Variants in ROBO1 observed in about 807,000 individuals in gnomAD.
The protein encoded by ROBO1 is roundabout homolog 1.
Under a neutral mutation model 195.9 loss-of-function variants are expected in ROBO1, and 149 were observed. The observed-to-expected ratio is 0.76, with a 90% CI of 0.67 to 0.87. The LOEUF (loss-of-function observed/expected upper bound fraction) is 0.87. Ranked by LOEUF, ROBO1 falls within the 40% of genes least tolerant of loss-of-function variation. The pLI, the probability that ROBO1 is intolerant of heterozygous loss-of-function variation, is 0.00. For missense variants in ROBO1, 1,933 were observed against 2,068.3 expected (o/e 0.93, Z 1.27); for synonymous variants, 816 against 733.2 (o/e 1.11, Z -1.82).
intron 2 of ROBO1, among the ~76,000 whole-genome samples, chr3:79,259,007 T>C (rs945715966): frequency 2.6e-5 from 4 of 152,096 alleles, no homozygotes; most frequent in East Asian, 1.9e-4. Flanking sequence ...ACACCACATA[T>C]ATAATTTGTT....
At chr3:79,643,378 T>C (rs888754554) in intron 1 of ROBO1, among the ~76,000 whole-genome samples, 8 of 152,286 alleles carry the variant, frequency 5.3e-5, no homozygotes, top group African/African-American at 1.9e-4. Context: ...TGTGATTGTG[T>C]GAGTCAATAC....
At chr3:78,921,315 A>G (rs568916308) in intron 4 of ROBO1, among the ~76,000 whole-genome samples, 1 of 152,340 alleles carries the variant, frequency 6.6e-6, no homozygotes, top group Non-Finnish European at 1.5e-5. Context: ...GGGTCTGTTC[A>G]GAATTTCAGT....
rs73109157 is a variant in ROBO1 at position 79,135,518 on chromosome 3, C to T, written c.89-9979G>A. ...ACATACTTAGTTTTTAGGATACACA[C>T]GTGGAATAATTAAGGCATGAGATAT... On this transcript the variant is annotated intron_variant, in intron 2 of 30. Coordinates refer to ENST00000464233, the MANE Select transcript of ROBO1 (RefSeq NM_002941.4). Among the ~76,000 whole-genome samples the T allele has an allele frequency of 5.9e-3, 890 of 152,018 alleles. 4 individuals are homozygous for T. The highest frequency in any genetic ancestry group is 9.5e-3 in the Non-Finnish European group (645 of 68,006).
chr3:78,646,129 A>G lies in ROBO1; in HGVS notation c.2882+19T>C. Reference sequence around the variant, plus strand: ...TTTGGAATTCCCTGTAGGATCTACAAAACAAGCAAGATAATTACCTCCCTC... The same window carrying G: ...TTTGGAATTCCCTGTAGGATCTACAGAACAAGCAAGATAATTACCTCCCTC... On this transcript the variant is annotated intron_variant, in intron 21 of 30. Coordinates refer to ENST00000464233, the MANE Select transcript of ROBO1 (RefSeq NM_002941.4). 6.2e-7 allele frequency: 1 copy of G among 1,603,618 alleles called. No individual in the cohort carries two copies. The highest frequency in any genetic ancestry group is 8.5e-7 in the Non-Finnish European group (1 of 1,172,060).
At chr3:79,526,346 T>A (rs1321174697) in intron 2 of ROBO1, 2 of 152,230 alleles carry the variant, frequency 1.3e-5, no homozygotes, top group Non-Finnish European at 2.9e-5. Context: ...AAAATCTGTC[T>A]CTGTTACTAG....
At chr3:79,624,361 T>C (rs1415519267) in intron 1 of ROBO1, among the ~76,000 whole-genome samples, 3 of 152,108 alleles carry the variant, frequency 2.0e-5, no homozygotes, top group African/African-American at 7.2e-5. Context: ...TAAACTTGAA[T>C]GTAAATGAGC....
chr3:79,012,649 T>C (rs556136085), intron 3 of ROBO1, among the ~76,000 whole-genome samples: 5 of 152,188 alleles, frequency 3.3e-5, no homozygotes, highest in African/African-American at 1.2e-4. Context: ...TCATAAGACA[T>C]TTGGAAGCCA....
chr3:79,535,019 T>C (rs1941802429), intron 2 of ROBO1, among the ~76,000 whole-genome samples: 1 of 152,180 alleles, frequency 6.6e-6, no homozygotes, highest in South Asian at 2.1e-4. Flanking sequence ...TGTTAAGTCA[T>C]CTTTTATACG....
At chr3:79,395,335 A>T (rs1016919566) in intron 2 of ROBO1, among the ~76,000 whole-genome samples, 2 of 148,458 alleles carry the variant, frequency 1.3e-5, no homozygotes, top group East Asian at 4.0e-4. Flanking sequence ...AAAAAAAAAA[A>T]AAAAAAAAGA....
chr3:78,917,083 TG>T (rs2038644694), intron 4 of ROBO1, among the ~76,000 whole-genome samples: 3 of 150,094 alleles, frequency 2.0e-5, no homozygotes, highest in South Asian at 2.1e-4. Context: ...TAGTCAGAGT[TG>T]TTTTTTTGTT....
intron 2 of ROBO1, among the ~76,000 whole-genome samples, chr3:79,255,124 C>T (rs1032952117): frequency 2.0e-5 from 3 of 152,168 alleles, no homozygotes; most frequent in Non-Finnish European, 4.4e-5. Flanking sequence ...TTTATGCGTC[C>T]ATTATCCATA....
intron 3 of ROBO1, among the ~76,000 whole-genome samples, chr3:79,040,697 A>G (rs2078471346): frequency 6.6e-6 from 1 of 152,164 alleles, no homozygotes; most frequent in Admixed American, 6.5e-5. Flanking sequence ...TGTTGTAGAC[A>G]CAAAACACCC....
intron 11 of ROBO1, among the ~76,000 whole-genome samples, 191 bp downstream of exon 11, chr3:78,669,898 TGGACTAA>T (rs1261841410): frequency 2.8e-4 from 43 of 152,154 alleles, no homozygotes; most frequent in African/African-American, 1.0e-3. Context: ...TTACCTGCCA[TGGACTAA>T]ATTATGAGTT....
chr3:79,210,703 A>AT (rs200692062), intron 2 of ROBO1, among the ~76,000 whole-genome samples: 13 of 150,576 alleles, frequency 8.6e-5, no homozygotes, highest in Non-Finnish European at 1.3e-4. Flanking sequence ...GTAAGCTAAG[A>AT]TTTTTTTTTT....
intron 1 of ROBO1, among the ~76,000 whole-genome samples, chr3:79,723,057 A>G (rs1007823370): frequency 6.6e-6 from 1 of 152,176 alleles, no homozygotes; most frequent in Non-Finnish European, 1.5e-5. Flanking sequence ...AACCATGGCT[A>G]TTTTTGGTTA....
At chr3:79,445,195 ATT>A (rs11285714) in intron 2 of ROBO1, among the ~76,000 whole-genome samples, 1 of 151,212 alleles carries the variant, frequency 6.6e-6, no homozygotes, top group African/African-American at 2.4e-5. Flanking sequence ...CCCATTCACT[ATT>A]TTTTTTTGTG....
At chr3:79,756,065 A>G (rs570137143) in intron 1 of ROBO1, among the ~76,000 whole-genome samples, 1 of 152,246 alleles carries the variant, frequency 6.6e-6, no homozygotes, top group Non-Finnish European at 1.5e-5. Flanking sequence ...TAAATATTTT[A>G]TTTTCTCTAT....
At chr3:79,734,302 T>G (rs1011979216) in intron 1 of ROBO1, among the ~76,000 whole-genome samples, 2 of 152,168 alleles carry the variant, frequency 1.3e-5, no homozygotes, top group African/African-American at 4.8e-5. Context: ...TAAATATGCA[T>G]GAGTCTCTCA....
chr3:79,747,601 C>T (rs921269500), intron 1 of ROBO1, among the ~76,000 whole-genome samples: 1 of 151,906 alleles, frequency 6.6e-6, no homozygotes, highest in African/African-American at 2.4e-5. Context: ...TAAGGAATAT[C>T]TTGAACAAGA....
Sources: gnomAD v4.1 joint callset for allele counts (sites outside exome capture counted in the v4.1 genomes callset) on GRCh38, gnomAD v4.1.1 for gene constraint, MANE v1.5 for transcripts, NCBI Gene and HGNC (gene_info 2026-07-23, HGNC 2026-07-21) for gene names.